SMYD2: variants seen among roughly 807,000 people sequenced by gnomAD.
SMYD2 encodes the protein N-lysine methyltransferase SMYD2.
SMYD2 carries 53 observed loss-of-function variants against 59.1 expected under a neutral mutation model. That is an observed-to-expected ratio of 0.90 (90% CI 0.72 to 1.13). The LOEUF is 1.13. SMYD2 is among the 50% of genes most tolerant of loss of function. SMYD2 has a pLI of 0.00. For synonymous variants in SMYD2, 208 were observed against 198.8 expected (o/e 1.05, Z -0.39); for missense variants, 494 against 544.7 (o/e 0.91, Z 0.93).
At chr1:214,290,396 G>A (rs536090689) in intron 1 of SMYD2, among the ~76,000 whole-genome samples, 32 of 152,294 alleles carry the variant, frequency 2.1e-4, no homozygotes, top group Middle Eastern at 6.8e-3. Flanking sequence ...GGTTTCGGAT[G>A]ACTAAGTGGA....
At chr1:214,331,139 AG>A (rs1287750599) in intron 9 of SMYD2, 69 bp downstream of exon 9, 3 of 1,597,432 alleles carry the variant, frequency 1.9e-6, no homozygotes, top group East Asian at 2.2e-5. Context: ...AGTTGGAAAG[AG>A]GGAGCAGGAG....
At chr1:214,319,936 A>G (rs890678827) in intron 5 of SMYD2, among the ~76,000 whole-genome samples, 4 of 152,258 alleles carry the variant, frequency 2.6e-5, no homozygotes, top group Non-Finnish European at 5.9e-5. Flanking sequence ...CCCTTTGCCC[A>G]GTAACTCTGT....
Position 214,281,379 on chromosome 1 carries a change from T to A in SMYD2, c.125T>A (p.Val42Glu). The A allele has an allele frequency of 6.8e-7, 1 of 1,460,898 alleles. No homozygotes were observed. The highest frequency in any genetic ancestry group is 1.5e-5 in the South Asian group (1 of 68,418). 90.5% of individuals were successfully genotyped at this position (1,460,898 alleles called of 1,614,324 possible). A position where few individuals can be genotyped will look rare whatever the true frequency, so the allele number is the denominator to read the frequency against. ...TTCTCCTGCCCGGCCTATGCCTACG[T>A]GCTCACGGTCAACGAGCGGGGCAAC... ...LLFSCPAYAY[V>E]LTVNERGNHC... Residue 42 changes from valine (V) to glutamate (E), a missense_variant, in exon 1 of 12, where the codon GTG (valine) becomes GAG (glutamate). Physicochemically the swap from Val to Glu is moderately radical, Grantham distance 121. Transcript: ENST00000366957.
chr1:214,295,707 G>A (rs191986008), intron 1 of SMYD2, among the ~76,000 whole-genome samples: 41 of 152,300 alleles, frequency 2.7e-4, no homozygotes, highest in African/African-American at 8.9e-4. Context: ...CGTGGGTCCC[G>A]TTCACTGTTA....
intron 1 of SMYD2, 53 bp from the exon 2 acceptor site, chr1:214,305,134 C>T: frequency 1.3e-6 from 2 of 1,539,636 alleles, no homozygotes; most frequent in Non-Finnish European, 1.8e-6. Flanking sequence ...ATAAAATGTA[C>T]AGCTTCACGT....
chr1:214,301,769 T>TAAAAAAAAAAA (rs56102481), intron 1 of SMYD2, among the ~76,000 whole-genome samples: 4 of 133,370 alleles, frequency 3.0e-5, no homozygotes, highest in Admixed American at 1.5e-4. Context: ...TCTTTCAAGT[T>TAAAAAAAAAAA]AAAAAAAAAA....
At chr1:214,294,471 C>CAGCCTGGCCAACATGGTGAA (rs1656691942) in intron 1 of SMYD2, among the ~76,000 whole-genome samples, 1 of 152,180 alleles carries the variant, frequency 6.6e-6, no homozygotes, top group African/African-American at 2.4e-5. Context: ...AGTTCAAGCC[C>CAGCCTGGCCAACATGGTGAA]AGCCTGGCCA....
Position 214,332,240 on chromosome 1 carries a change from T to G in SMYD2, c.1112+48T>G, listed in dbSNP as rs375212954. The G allele has an allele frequency of 6.4e-5, 103 of 1,600,612 alleles. No homozygotes were observed. In the African/African-American group the frequency reaches 7.9e-4, roughly 12 times the overall value. ...TCATCCACGGAGTGGAATTTGGTTG[T>G]TTAGAATGTATACGATAGTGTCATC... On this transcript the variant is annotated intron_variant, in intron 10 of 11. Transcript: ENST00000366957.
chr1:214,313,269 A>G (rs1023398188), intron 2 of SMYD2, among the ~76,000 whole-genome samples: 9 of 152,062 alleles, frequency 5.9e-5, no homozygotes, highest in Non-Finnish European at 5.9e-5. Context: ...GGCACATGCC[A>G]CCACACTTGG....
intron 2 of SMYD2, among the ~76,000 whole-genome samples, chr1:214,310,724 T>G (rs1656987311): frequency 6.6e-6 from 1 of 152,196 alleles, no homozygotes; most frequent in African/African-American, 2.4e-5. Flanking sequence ...TTCATTCCTA[T>G]TCATCAGGTT....
chr1:214,311,821 G>A (rs1361687536), intron 2 of SMYD2, among the ~76,000 whole-genome samples: 1 of 152,182 alleles, frequency 6.6e-6, no homozygotes, highest in Non-Finnish European at 1.5e-5. Flanking sequence ...GAAAACAACA[G>A]CTTGCAGGCC....
chr1:214,288,701 A>G, intron 1 of SMYD2, among the ~76,000 whole-genome samples: 1 of 152,354 alleles, frequency 6.6e-6, no homozygotes, highest in East Asian at 1.9e-4. Context: ...GGACTTAAAC[A>G]TGTTGTTTTT....
rs933759108 is a variant in SMYD2 at position 214,336,814 on chromosome 1, A to C, written c.*30A>C. ...ATGCAGCATTTCAGTTTTCATTTAA[A>C]CACTTAGTTCAGAAACCTTAAAGGA... On this transcript the variant is annotated 3_prime_UTR_variant, in exon 12 of 12. Coordinates refer to ENST00000366957, the MANE Select transcript of SMYD2 (RefSeq NM_020197.3). 3 of 1,585,744 alleles carry C rather than the reference A, an allele frequency of 1.9e-6. No homozygotes were observed. The African/African-American group carries it at 4.0e-5, about 21-fold the overall frequency.
At chr1:214,305,715 G>A (rs933333607) in intron 2 of SMYD2, among the ~76,000 whole-genome samples, 2 of 36,132 alleles carry the variant, frequency 5.5e-5, no homozygotes, top group Non-Finnish European at 1.0e-4. Context: ...TATAGCCAGA[G>A]GGGGGGCTAT....
chr1:214,318,853 C>T lies in SMYD2; in HGVS notation c.410-6C>T, dbSNP rs779454485. On this transcript the variant is annotated splice_region_variant and splice_polypyrimidine_tract_variant and intron_variant, in intron 4 of 11. Transcript: ENST00000366957. This position sits in a 1 kb window ranked among gnomAD's most constrained non-coding sequence, Gnocchi z 5.4. ...ACTGGGTGAATAATGGATTATTTAT[C>T]CACAGATCTGGATAAGTTAGACAAT... is the stretch of plus-strand genomic sequence containing the variant. The T allele has an allele frequency of 6.8e-6, 11 of 1,612,882 alleles. No homozygotes were observed. The South Asian group carries it at 1.1e-4, about 16-fold the overall frequency.
chr1:214,311,208 T>TTGAA (rs765030663), intron 2 of SMYD2, among the ~76,000 whole-genome samples: 7 of 152,076 alleles, frequency 4.6e-5, no homozygotes, highest in South Asian at 2.1e-4. Context: ...GCAGCACTTG[T>TTGAA]TGAATGAATG....
intron 5 of SMYD2, among the ~76,000 whole-genome samples, chr1:214,321,167 T>C (rs749959730): frequency 1.8e-4 from 28 of 152,198 alleles, no homozygotes; most frequent in South Asian, 4.1e-4. Context: ...AGTAGAAGTA[T>C]ATTTGTGGTG....
At chr1:214,324,378 G>A (rs1657227981) in intron 5 of SMYD2, among the ~76,000 whole-genome samples, 1 of 152,128 alleles carries the variant, frequency 6.6e-6, no homozygotes, top group African/African-American at 2.4e-5. Context: ...AGAGTCTTGG[G>A]GGTCTTTGGC....
intron 1 of SMYD2, 72 bp downstream of exon 1, chr1:214,281,499 AG>A (rs1231890977): frequency 2.0e-5 from 22 of 1,100,536 alleles, no homozygotes; most frequent in Non-Finnish European, 2.3e-5. Flanking sequence ...CGGCGGCGCC[AG>A]GAAGTGCGTG....
Sources: gnomAD v4.1 joint callset for allele counts (sites outside exome capture counted in the v4.1 genomes callset) on GRCh38, gnomAD v4.1.1 for gene constraint, Gnocchi (gnomAD v3.1) non-coding constraint, MANE v1.5 for transcripts, NCBI Gene and HGNC (gene_info 2026-07-23, HGNC 2026-07-21) for gene names.